Variants in CFHR5 observed in about 807,000 individuals in gnomAD.
CFHR5 encodes the protein complement factor H related 5, also known as complement factor H-related protein 5.
In CFHR5, 73 loss-of-function variants were observed where a neutral mutation model predicts 62.9. The observed-to-expected ratio is 1.16, with a 90% CI of 0.96 to 1.41. The LOEUF (loss-of-function observed/expected upper bound fraction) is 1.41. Ranked by LOEUF, CFHR5 falls within the 40% of genes most tolerant of loss-of-function variation. The pLI is 0.00. For missense variants in CFHR5, 779 were observed against 679.9 expected, an observed-to-expected ratio of 1.15 and a Z score of -1.62; for synonymous variants, 249 against 227.2, an observed-to-expected ratio of 1.10 and a Z score of -0.86.
At chr1:196,994,401 G>C (rs1372468149) in intron 4 of CFHR5, 145 bp downstream of exon 4, 2 of 683,048 alleles carry the variant, frequency 2.9e-6, no homozygotes, top group Non-Finnish European at 5.1e-6. Flanking sequence ...TATAGTAATT[G>C]AGCTGCATAG....
At chr1:197,002,730 A>C (rs916478613) in intron 8 of CFHR5, 66 bp downstream of exon 8, 2 of 1,336,902 alleles carry the variant, frequency 1.5e-6, no homozygotes, top group African/African-American at 1.5e-5. Context: ...GCTTTATCTA[A>C]AGAAAGAAAC....
intron 8 of CFHR5, among the ~76,000 whole-genome samples, chr1:197,003,823 G>A (rs1043340381): frequency 1.3e-5 from 2 of 152,128 alleles, no homozygotes; most frequent in African/African-American, 4.8e-5. Context: ...ATTGAATTGT[G>A]ACATTTTCAG....
intron 3 of CFHR5, among the ~76,000 whole-genome samples, chr1:196,992,759 G>A (rs1438977747): frequency 6.6e-6 from 1 of 152,062 alleles, no homozygotes; most frequent in Non-Finnish European, 1.5e-5. Flanking sequence ...CAAAATACTG[G>A]AATAACAAAC....
At chr1:196,987,411 G>A (rs1558284016) in intron 3 of CFHR5, among the ~76,000 whole-genome samples, 1 of 152,148 alleles carries the variant, frequency 6.6e-6, no homozygotes, top group Non-Finnish European at 1.5e-5. Flanking sequence ...ATTGCTTTTT[G>A]TGTTTTAGTC....
At chr1:196,999,665 T>C (rs1654079917) in intron 7 of CFHR5, among the ~76,000 whole-genome samples, 2 of 143,538 alleles carry the variant, frequency 1.4e-5, no homozygotes, top group African/African-American at 2.6e-5. Context: ...GTCTTAAACT[T>C]ATCTATTTTG....
chr1:196,994,307 A>G (rs765907289), intron 4 of CFHR5, 51 bp downstream of exon 4: 11 of 1,371,698 alleles, frequency 8.0e-6, no homozygotes, highest in Admixed American at 6.8e-5. Context: ...TTTTATAATA[A>G]TGCCCATATA....
At chr1:197,001,871 AG>A (rs1654162947) in intron 7 of CFHR5, among the ~76,000 whole-genome samples, 1 of 152,112 alleles carries the variant, frequency 6.6e-6, no homozygotes, top group African/African-American at 2.4e-5. Context: ...AGCCCAGGTC[AG>A]GAGGTTTAGA....
At chr1:196,976,675 G>T (rs982078415), upstream of CFHR5, among the ~76,000 whole-genome samples, 6 of 151,962 alleles carry the variant, frequency 3.9e-5, no homozygotes, top group Non-Finnish European at 8.8e-5. Context: ...CTGCCTTTTG[G>T]TTGGGAGTGA....
chr1:197,000,905 T>C (rs1654135966), intron 7 of CFHR5, among the ~76,000 whole-genome samples: 1 of 152,184 alleles, frequency 6.6e-6, no homozygotes, highest in African/African-American at 2.4e-5. Context: ...ATAAATAATA[T>C]TGAAAACTGA....
intron 9 of CFHR5, among the ~76,000 whole-genome samples, chr1:197,006,712 A>C (rs1654298502): frequency 3.3e-5 from 1 of 30,092 alleles, no homozygotes; most frequent in Non-Finnish European, 1.4e-4. Context: ...AACTCCGTCA[A>C]AAAAAAAAAA....
At chr1:196,997,791 G>A (rs948470824) in intron 6 of CFHR5, among the ~76,000 whole-genome samples, 18 of 152,012 alleles carry the variant, frequency 1.2e-4, no homozygotes, top group Admixed American at 1.0e-3. Context: ...ATAGTTTAGT[G>A]CAAAACAATC....
chr1:196,981,667 G>A (rs976479413), intron 1 of CFHR5, among the ~76,000 whole-genome samples: 2 of 151,758 alleles, frequency 1.3e-5, no homozygotes. Flanking sequence ...GTATCCTTAA[G>A]GAATTGTTCC....
At chr1:196,996,931 G>A (rs1654006911) in intron 6 of CFHR5, among the ~76,000 whole-genome samples, 1 of 152,024 alleles carries the variant, frequency 6.6e-6, no homozygotes, top group Non-Finnish European at 1.5e-5. Flanking sequence ...CTCTTACCTT[G>A]CAGCCTCAGG....
At chr1:197,003,754 G>A (rs1244018967) in intron 8 of CFHR5, among the ~76,000 whole-genome samples, 2 of 152,140 alleles carry the variant, frequency 1.3e-5, no homozygotes, top group African/African-American at 2.4e-5. Flanking sequence ...GTTCAAAAGG[G>A]AATAGAGAAA....
chr1:196,976,435 T>C (rs1330907081), upstream of CFHR5, among the ~76,000 whole-genome samples: 1 of 152,038 alleles, frequency 6.6e-6, no homozygotes, highest in Non-Finnish European at 1.5e-5. Context: ...AAGTCACTCT[T>C]CTCCAGCAGG....
rs1380885367 is a variant in CFHR5, at chr1:196,984,143, C to G, written c.430+6C>G. ...TCCCATATGCAGCTTCACTAGTAAG[C>G]AAAATACCACTCTCTCAGTTTTGCT... On this transcript the variant is annotated splice_donor_region_variant and intron_variant, in intron 3 of 9. Coordinates refer to ENST00000256785, the MANE Select transcript of CFHR5 (RefSeq NM_030787.4). 5.0e-6 allele frequency: 8 copies of G among 1,608,622 alleles called. No homozygotes were observed. Among genetic ancestry groups the G allele is most frequent in the Non-Finnish European group, 6.8e-6 (8 of 1,175,490 alleles).
intron 2 of CFHR5, 85 bp from the exon 3 acceptor site, chr1:196,983,876 A>G (rs1571512834): frequency 1.1e-6 from 1 of 928,792 alleles, no homozygotes; most frequent in East Asian, 2.6e-5. Flanking sequence ...TCAGTTTTCA[A>G]AGTTTTCCTT....
Position 196,984,119 on chromosome 1 carries a change from C to T in CFHR5, c.412C>T (p.Pro138Ser). The change falls in exon 3 of 10, where the codon CCC becomes TCC. Residue 138 changes from proline to serine, a missense_variant. By Grantham distance (74) the Pro-to-Ser change is moderately conservative. Coordinates refer to ENST00000256785, the MANE Select transcript of CFHR5 (RefSeq NM_030787.4). ...TGTAGAACGGGGCTGGTCCACTCCT[C>T]CCATATGCAGCTTCACTAGTAAGCA... ...SCVERGWSTP[P>S]ICSFTKGECH... is the part of the protein sequence containing the mutation. 6.2e-7 allele frequency: 1 copy of T among 1,611,662 alleles called. No individual in the cohort carries two copies. The highest frequency in any genetic ancestry group is 1.1e-5 in the South Asian group (1 of 90,890).
intron 3 of CFHR5, among the ~76,000 whole-genome samples, chr1:196,984,478 T>A (rs923291300): frequency 6.6e-6 from 1 of 152,198 alleles, no homozygotes; most frequent in Non-Finnish European, 1.5e-5. Flanking sequence ...ACAGTTAAAA[T>A]GTCTTATAAG....
Sources: gnomAD v4.1 joint callset for allele counts (sites outside exome capture counted in the v4.1 genomes callset) on GRCh38, gnomAD v4.1.1 for gene constraint, MANE v1.5 for transcripts, NCBI Gene and HGNC (gene_info 2026-07-23, HGNC 2026-07-21) for gene names.